ZNF487: variants seen among roughly 807,000 people sequenced by gnomAD.
ZNF487 encodes zinc finger protein 487.
Under a neutral mutation model 3.0 loss-of-function variants are expected in ZNF487, and 4 were observed. The observed-to-expected ratio is 1.35, with a 90% CI of 0.66 to 3.08. ZNF487 has a LOEUF of 3.08. Among genes scored for constraint, ZNF487 ranks in the 30% most tolerant of loss-of-function variants. The pLI, the probability that ZNF487 is intolerant of heterozygous loss-of-function variation, is 0.01. For missense variants in ZNF487, 146 were observed against 98.7 expected (o/e 1.48, Z -2.03); for synonymous variants, 55 against 34.6 (o/e 1.59, Z -2.06).
chr10:43,454,618 A>C (rs900217229), intron 1 of ZNF487: 2 of 152,216 alleles, frequency 1.3e-5, no homozygotes, highest in Admixed American at 6.5e-5. Flanking sequence ...AACATACTGG[A>C]AAATCAATAG....
chr10:43,491,270 A>T, the ZNF487 span, among the ~76,000 whole-genome samples: 2 of 151,640 alleles, frequency 1.3e-5, no homozygotes, highest in Middle Eastern at 3.4e-3. Flanking sequence ...TTCGTTTTTT[A>T]TTCATTTTCC....
At chr10:43,455,628 C>T (rs1840160738) in intron 1 of ZNF487, among the ~76,000 whole-genome samples, 1 of 152,210 alleles carries the variant, frequency 6.6e-6, no homozygotes, top group South Asian at 2.1e-4. Context: ...AGGTCCGTGG[C>T]GCGGCGCGCT....
the ZNF487 span, among the ~76,000 whole-genome samples, chr10:43,503,463 A>G: frequency 3.3e-5 from 5 of 152,308 alleles, no homozygotes; most frequent in South Asian, 1.0e-3. Flanking sequence ...GCCCAAGTGT[A>G]CAATGTTTAT....
the ZNF487 span, among the ~76,000 whole-genome samples, chr10:43,493,240 C>T: frequency 6.6e-6 from 1 of 152,074 alleles, no homozygotes; most frequent in Admixed American, 6.6e-5. Flanking sequence ...CAAAAACAAA[C>T]AAACAAACAA....
the ZNF487 span, among the ~76,000 whole-genome samples, chr10:43,506,174 C>T: frequency 6.6e-6 from 1 of 152,168 alleles, no homozygotes; most frequent in African/African-American, 2.4e-5. Flanking sequence ...CCCCACTTTG[C>T]TCCTGTAGAT....
chr10:43,444,567 C>CGTTTTTTGTTTGTTT, intron 1 of ZNF487, among the ~76,000 whole-genome samples: 1 of 151,514 alleles, frequency 6.6e-6, no homozygotes, highest in South Asian at 2.1e-4. Flanking sequence ...ACAGGTTGTT[C>CGTTTTTTGTTTGTTT]GTTTTTTGTT....
At chr10:43,515,894 C>T in the ZNF487 span, among the ~76,000 whole-genome samples, 2 of 152,114 alleles carry the variant, frequency 1.3e-5, no homozygotes, top group South Asian at 4.1e-4. Context: ...CCTGCCTCAG[C>T]CTCTTGAGTA....
At chr10:43,449,046 C>T (rs181716251) in intron 1 of ZNF487, among the ~76,000 whole-genome samples, 3 of 148,666 alleles carry the variant, frequency 2.0e-5, no homozygotes, top group Admixed American at 1.4e-4. Context: ...GGCCTGTAAT[C>T]CCAGCACTTT....
intron 3 of ZNF487, among the ~76,000 whole-genome samples, chr10:43,480,019 C>A (rs1483553326): frequency 5.9e-4 from 40 of 67,310 alleles, no homozygotes; most frequent in African/African-American, 1.3e-3. Context: ...TTCTTTCTTT[C>A]TTTCTTTCTT....
chr10:43,451,104 GC>G (rs1564415007), intron 1 of ZNF487, among the ~76,000 whole-genome samples: 1 of 151,752 alleles, frequency 6.6e-6, no homozygotes, highest in East Asian at 1.9e-4. Context: ...GTGCCACCAC[GC>G]CCAGCTAATT....
intron 1 of ZNF487, among the ~76,000 whole-genome samples, chr10:43,442,899 AT>A (rs1243838141): frequency 6.6e-6 from 1 of 152,194 alleles, no homozygotes; most frequent in Non-Finnish European, 1.5e-5. Context: ...AATTTAAAGT[AT>A]TTTTTAAATT....
chr10:43,480,958 T>C (rs774353645), intron 3 of ZNF487, among the ~76,000 whole-genome samples: 1 of 152,090 alleles, frequency 6.6e-6, no homozygotes, highest in Non-Finnish European at 1.5e-5. Flanking sequence ...TGAATAAAGG[T>C]ATGCATATGA....
chr10:43,495,423 T>C, the ZNF487 span, among the ~76,000 whole-genome samples: 1 of 152,090 alleles, frequency 6.6e-6, no homozygotes, highest in Non-Finnish European at 1.5e-5. Flanking sequence ...TTTGTAGTTT[T>C]AGTAGAGATG....
At chr10:43,504,088 T>G in the ZNF487 span, among the ~76,000 whole-genome samples, 1 of 151,980 alleles carries the variant, frequency 6.6e-6, no homozygotes, top group African/African-American at 2.4e-5. Flanking sequence ...ACCATTTAGG[T>G]TTTTGTAAAC....
At chr10:43,442,190 A>G (rs1268320803) in intron 1 of ZNF487, among the ~76,000 whole-genome samples, 22 of 152,010 alleles carry the variant, frequency 1.4e-4, no homozygotes, top group Admixed American at 1.4e-3. Context: ...TAGTAACACC[A>G]CTAACACTGT....
the ZNF487 span, among the ~76,000 whole-genome samples, chr10:43,496,528 T>C: frequency 2.6e-5 from 4 of 152,316 alleles, no homozygotes; most frequent in East Asian, 7.7e-4. Context: ...CAAAGCCACT[T>C]TGGTGAGTAG....
the ZNF487 span, among the ~76,000 whole-genome samples, chr10:43,495,434 GGGTTTCACCATGTTGGCCAGGCT>G: frequency 2.6e-5 from 4 of 152,004 alleles, no homozygotes; most frequent in African/African-American, 9.7e-5. Context: ...AGTAGAGATG[GGGTTTCACCATGTTGGCCAGGCT>G]GGTCTTCAGT....
the ZNF487 span, among the ~76,000 whole-genome samples, chr10:43,501,056 C>T: frequency 0.46 from 70,069 of 151,984 alleles, 18,540 homozygotes; most frequent in East Asian, 0.73. Flanking sequence ...GTATAGCCTA[C>T]CACACATCTA....
chr10:43,438,332 C>G (rs983003680), intron 1 of ZNF487, among the ~76,000 whole-genome samples: 2 of 152,078 alleles, frequency 1.3e-5, no homozygotes, highest in South Asian at 2.1e-4. Flanking sequence ...GTTACAGGCA[C>G]GTGCCACCAC....
Sources: allele counts gnomAD v4.1 joint callset (sites outside exome capture counted in the v4.1 genomes callset), GRCh38; gene constraint gnomAD v4.1.1; transcripts MANE v1.5; gene names NCBI Gene and HGNC (gene_info 2026-07-23, HGNC 2026-07-21).